Variants in BMI1 observed in about 807,000 individuals in gnomAD.
BMI1 encodes the protein BMI1 proto-oncogene, polycomb ring finger.
Under a neutral mutation model 39.1 loss-of-function variants are expected in BMI1, and 9 were observed. The ratio of observed to expected loss-of-function variants is 0.23; its 90% confidence interval spans 0.14 to 0.40. The LOEUF (loss-of-function observed/expected upper bound fraction) is 0.40, where lower values mean the gene tolerates loss of function less well. BMI1 is among the 10% of genes least tolerant of loss of function. The probability of loss-of-function intolerance (pLI) is 1.00; values close to 1 mark genes in which losing one functional copy is unlikely to be tolerated. For synonymous variants in BMI1, 131 were observed against 127.9 expected, an observed-to-expected ratio of 1.02 and a Z score of -0.16; for missense variants, 252 against 390.8, an observed-to-expected ratio of 0.64 and a Z score of 2.99.
At chr10:22,327,521 G>A in intron 3 of BMI1, 74 bp from the exon 4 acceptor site, 1 of 1,386,740 alleles carries the variant, frequency 7.2e-7, no homozygotes, top group Non-Finnish European at 9.9e-7. Context: ...CACAAAAGAA[G>A]ACTATAGAAA....
Position 22,327,722 on chromosome 10 carries a change from C to T in BMI1, c.266-20C>T. On this transcript the variant is annotated intron_variant, in intron 4 of 9. Transcript: ENST00000376663. ...TTCTTTGTGTTATGCCAAATGTTTACATCTTTTTTCCCCATTCAGATGAAA... is the reference window on the plus strand; with the variant it reads ...TTCTTTGTGTTATGCCAAATGTTTATATCTTTTTTCCCCATTCAGATGAAA... 3 of 1,613,198 alleles carry T rather than the reference C, an allele frequency of 1.9e-6. No homozygotes were observed. Among genetic ancestry groups the T allele is most frequent in the Non-Finnish European group, 2.5e-6 (3 of 1,179,542 alleles).
intron 1 of BMI1, among the ~76,000 whole-genome samples, chr10:22,321,899 G>T (rs1388385915): frequency 7.0e-6 from 1 of 143,552 alleles, no homozygotes; most frequent in Non-Finnish European, 1.5e-5. Context: ...CCCTCCCCGC[G>T]CCCGCGAGCG....
Position 22,330,639 on chromosome 10 carries a change from TTAAA to T in BMI1, c.*1102_*1105del, listed in dbSNP as rs1422768082. The T allele has an allele frequency of 2.0e-5, 3 of 152,236 alleles. No homozygotes were observed. Among genetic ancestry groups the T allele is most frequent in the African/African-American group, 7.2e-5 (3 of 41,472 alleles). The allele number at this position is 152,236 out of a possible 1,614,324, so 9.4% of individuals were successfully genotyped here. A position where few individuals can be genotyped will look rare whatever the true frequency, so the allele number is the denominator to read the frequency against. On this transcript the variant is annotated 3_prime_UTR_variant, in exon 10 of 10. Transcript: ENST00000376663. The stretch of plus-strand genomic sequence containing the variant: ...ATCACTATAATTCTAAAACAATTTT[TTAAA>T]TAAACCAGCAGGTTGCTAAAAGAAG...
At position 22,329,033 on chromosome 10, in the gene BMI1, A is replaced by C; in HGVS notation, c.571-15A>C. On this transcript the variant is annotated splice_polypyrimidine_tract_variant and intron_variant, in intron 8 of 9. Transcript: ENST00000376663. Reference sequence around the variant, plus strand: ...CTTTGTTCTTTTATTACTTAATAAAAATATTTTTCACTAGATTGATGTCAT... The same window carrying C: ...CTTTGTTCTTTTATTACTTAATAAACATATTTTTCACTAGATTGATGTCAT... The C allele has an allele frequency of 6.3e-7, 1 of 1,580,292 alleles. No homozygotes were observed.
chr10:22,326,705 C>G (rs757715791), intron 2 of BMI1, 144 bp downstream of exon 2: 4 of 1,372,186 alleles, frequency 2.9e-6, no homozygotes, highest in Non-Finnish European at 2.0e-6. Context: ...CATCTAATGA[C>G]TTTTTGTTAA....
rs1047006646 is a variant in BMI1, at chr10:22,330,417, A to C, written c.*875A>C. 3 of 152,600 alleles carry C rather than the reference A, an allele frequency of 2.0e-5. No individual in the cohort carries two copies. Among genetic ancestry groups the C allele is most frequent in the African/African-American group, 7.2e-5 (3 of 41,470 alleles). 9.5% of individuals were successfully genotyped at this position (152,600 alleles called of 1,614,324 possible). On this transcript the variant is annotated 3_prime_UTR_variant, in exon 10 of 10. Coordinates refer to ENST00000376663, the MANE Select transcript of BMI1 (RefSeq NM_005180.9). ...CCAGCAAAGAATATTTTTAATGTGG[A>C]TATCTAATTCTAAAGTCTGTTCCAT...
At chr10:22,322,115 GTACTGGTAT>G (rs1238297360) in intron 1 of BMI1, 3 of 152,036 alleles carry the variant, frequency 2.0e-5, no homozygotes, top group African/African-American at 7.2e-5. Flanking sequence ...CCCGAGAGGA[GTACTGGTAT>G]TTCCAGCCTC....
At position 22,331,031 on chromosome 10, in the gene BMI1, T is replaced by A. The variant is rs1198099964; in HGVS notation, c.*1489T>A. On this transcript the variant is annotated 3_prime_UTR_variant, in exon 10 of 10. Coordinates refer to ENST00000376663, the MANE Select transcript of BMI1 (RefSeq NM_005180.9). ...CAAAAGAAGCACAATTCTATTGCTT[T>A]GTCTTGCTTATAGTCATTAAATCAT... The A allele has an allele frequency of 6.6e-6, 1 of 152,624 alleles. No homozygotes were observed. The highest frequency in any genetic ancestry group is 1.5e-5 in the Non-Finnish European group (1 of 67,990). The allele number at this position is 152,624 out of a possible 1,614,324, so 9.5% of individuals were successfully genotyped here.
Position 22,331,265 on chromosome 10 carries a change from A to T in BMI1, c.*1723A>T, listed in dbSNP as rs926070620. ...AAGGATATTCATTTAGAAAATAGCT[A>T]AGATCTTTAATAAAAATTTGATATG... On this transcript the variant is annotated 3_prime_UTR_variant, in exon 10 of 10. Transcript: ENST00000376663. 2.0e-5 allele frequency: 3 copies of T among 152,340 alleles called. No individual in the cohort carries two copies. Among genetic ancestry groups the T allele is most frequent in the African/African-American group, 7.2e-5 (3 of 41,456 alleles). 9.4% of individuals were successfully genotyped at this position (152,340 alleles called of 1,614,324 possible).
rs1472952056 is a variant in BMI1, at chr10:22,330,495, CAT to C, written c.*954_*955del. On this transcript the variant is annotated 3_prime_UTR_variant, in exon 10 of 10. Coordinates refer to ENST00000376663, the MANE Select transcript of BMI1 (RefSeq NM_005180.9). ...CTTTATATACTTTTCTCCAGTAATA[CAT>C]GTTTACTTTAAAGATTGTTGCAGTG... 2 of 152,218 alleles carry C rather than the reference CAT, an allele frequency of 1.3e-5. No individual in the cohort carries two copies. The highest frequency in any genetic ancestry group is 4.8e-5 in the African/African-American group (2 of 41,432). The allele number at this position is 152,218 out of a possible 1,614,324, so 9.4% of individuals were successfully genotyped here.
At chr10:22,324,273 AT>A (rs912677392) in intron 1 of BMI1, among the ~76,000 whole-genome samples, 2 of 152,198 alleles carry the variant, frequency 1.3e-5, no homozygotes, top group Non-Finnish European at 2.9e-5. Context: ...GCAAACAGAA[AT>A]ATCAGCTTGC....
chr10:22,323,336 C>G (rs1024016791), intron 1 of BMI1, among the ~76,000 whole-genome samples: 17 of 152,316 alleles, frequency 1.1e-4, no homozygotes, highest in African/African-American at 4.1e-4. Flanking sequence ...TTTGAAATAA[C>G]CTACTTGTGT....
At position 22,329,707 on chromosome 10, in the gene BMI1, C is replaced by A. The variant is rs972122526; in HGVS notation, c.*165C>A. 40 of 756,148 alleles carry A rather than the reference C, an allele frequency of 5.3e-5. No homozygotes were observed. In the African/African-American group the frequency reaches 6.2e-4, roughly 12 times the overall value. 46.8% of individuals were successfully genotyped at this position (756,148 alleles called of 1,614,324 possible). A position where few individuals can be genotyped will look rare whatever the true frequency, so the allele number is the denominator to read the frequency against. On this transcript the variant is annotated 3_prime_UTR_variant, in exon 10 of 10. Transcript: ENST00000376663. ...AAAAGATGGACTACATGTGATACTC[C>A]TATGGACGTTAATTGAAAAGAAAGA...
At position 22,330,327 on chromosome 10, in the gene BMI1, T is replaced by C. The variant is rs113218050; in HGVS notation, c.*785T>C. On this transcript the variant is annotated 3_prime_UTR_variant, in exon 10 of 10. Coordinates refer to ENST00000376663, the MANE Select transcript of BMI1 (RefSeq NM_005180.9). ...TGTGTTTCATGCATTCAGAAATGATTGTTAAAATTCTCCCAACTGGTTCGA... is the reference window on the plus strand; with the variant it reads ...TGTGTTTCATGCATTCAGAAATGATCGTTAAAATTCTCCCAACTGGTTCGA... 3,282 of 152,802 alleles carry C rather than the reference T, an allele frequency of 0.021. 39 individuals are homozygous for C. The highest frequency in any genetic ancestry group is 0.033 in the Non-Finnish European group (2,275 of 68,028). 9.5% of individuals were successfully genotyped at this position (152,802 alleles called of 1,614,324 possible). A position where few individuals can be genotyped will look rare whatever the true frequency, so the allele number is the denominator to read the frequency against.
intron 1 of BMI1, among the ~76,000 whole-genome samples, chr10:22,324,498 T>TC (rs1370575058): frequency 6.6e-6 from 1 of 152,148 alleles, no homozygotes; most frequent in African/African-American, 2.4e-5. Flanking sequence ...AACTGAGGAG[T>TC]CAGTCACACA....
intron 1 of BMI1, 54 bp from the exon 2 acceptor site, chr10:22,326,377 G>C: frequency 6.2e-7 from 1 of 1,600,022 alleles, no homozygotes; most frequent in Non-Finnish European, 8.5e-7. Flanking sequence ...GTGATTACTA[G>C]ATGATCTCCA....
downstream of BMI1, chr10:22,331,543 A>G (rs112306623): frequency 9.1e-5 from 13 of 143,040 alleles, no homozygotes; most frequent in African/African-American, 4.0e-4. Flanking sequence ...TAAGACAAAG[A>G]AAAGTTAATG....
At chr10:22,323,713 T>G (rs1261111970) in intron 1 of BMI1, among the ~76,000 whole-genome samples, 2 of 152,244 alleles carry the variant, frequency 1.3e-5, no homozygotes, top group Non-Finnish European at 2.9e-5. Context: ...CAGCCCCAAC[T>G]GAGTGTGTTA....
chr10:22,329,178 A>G, intron 9 of BMI1, 35 bp from the exon 10 acceptor site: 1 of 1,610,710 alleles, frequency 6.2e-7, no homozygotes, highest in Admixed American at 1.7e-5. Flanking sequence ...ATATTTAAAG[A>G]ATTAAGAGTA....
Sources: gnomAD v4.1 joint callset for allele counts (sites outside exome capture counted in the v4.1 genomes callset) on GRCh38, gnomAD v4.1.1 for gene constraint, MANE v1.5 for transcripts, NCBI Gene and HGNC (gene_info 2026-07-23, HGNC 2026-07-21) for gene names.